The following MYO9A variants were observed in gnomAD, a reference collection of about 807,000 sequenced individuals.
The protein encoded by MYO9A is unconventional myosin-IXa.
A neutral mutation model predicts 293.3 loss-of-function variants in MYO9A; 103 were observed. The ratio of observed to expected loss-of-function variants is 0.35; its 90% confidence interval spans 0.30 to 0.41. The LOEUF is 0.41. Among genes scored for constraint, MYO9A ranks in the 10% least tolerant of loss-of-function variants. MYO9A has a pLI of 1.00. For synonymous variants in MYO9A, 1,001 were observed against 1,035.7 expected (o/e 0.97, Z 0.64); for missense variants, 2,685 against 3,033.0 (o/e 0.89, Z 2.69).
chr15:71,860,552 T>C (rs907822187), intron 33 of MYO9A, among the ~76,000 whole-genome samples: 1 of 151,970 alleles, frequency 6.6e-6, no homozygotes, highest in African/African-American at 2.4e-5. Flanking sequence ...TATCCTTTCT[T>C]GAGCTTGTAA....
intron 8 of MYO9A, among the ~76,000 whole-genome samples, chr15:72,001,871 G>T: frequency 6.6e-6 from 1 of 151,652 alleles, no homozygotes; most frequent in South Asian, 2.1e-4. Context: ...ATACATTAAA[G>T]AACAAAAATA....
chr15:71,860,991 A>G (rs1237993834), intron 33 of MYO9A, among the ~76,000 whole-genome samples: 2 of 150,970 alleles, frequency 1.3e-5, no homozygotes, highest in Non-Finnish European at 3.0e-5. Flanking sequence ...AAAAAAAAAA[A>G]AAATCAAACC....
intron 32 of MYO9A, among the ~76,000 whole-genome samples, chr15:71,867,075 A>AACAC (rs35264363): frequency 1.9e-3 from 286 of 148,096 alleles, no homozygotes; most frequent in African/African-American, 4.8e-3. Context: ...CAAAAAACAA[A>AACAC]ACACACACAC....
intron 28 of MYO9A, among the ~76,000 whole-genome samples, chr15:71,881,153 T>C (rs1164690044): frequency 6.6e-6 from 1 of 151,990 alleles, no homozygotes; most frequent in African/African-American, 2.4e-5. Flanking sequence ...AGGATTTTCT[T>C]AAACATCCCC....
In MYO9A at chr15:71,898,428, G is replaced by A. The variant is rs1418348910; in HGVS notation, c.4075C>T (p.Pro1359Ser). Residue 1359 changes from proline to serine, a missense_variant, in exon 25 of 42, where the codon CCT becomes TCT. By Grantham distance (74) the Pro-to-Ser change is moderately conservative. Coordinates refer to ENST00000356056, the MANE Select transcript of MYO9A (RefSeq NM_006901.4). ...AATTTTGGACTGCTGGATATCTTAG[G>A]TGATGGAAACTGCAAGTCTCCTTCA... ...SDEGDLQFPS[P>S]KISSSPKFDS... 10 of 1,613,670 alleles carry A rather than the reference G, an allele frequency of 6.2e-6. No individual in the cohort carries two copies. Among genetic ancestry groups the A allele is most frequent in the Admixed American group, 3.3e-5 (2 of 59,988 alleles).
intron 32 of MYO9A, among the ~76,000 whole-genome samples, chr15:71,865,995 C>T (rs1430587682): frequency 1.3e-5 from 2 of 152,252 alleles, no homozygotes; most frequent in East Asian, 3.9e-4. Context: ...TTTATTATTT[C>T]ACCTTCTTCA....
intron 18 of MYO9A, among the ~76,000 whole-genome samples, chr15:71,928,042 ATATATATATATATATTTTTTTTTTTTTT>A: frequency 1.1e-4 from 1 of 9,502 alleles, no homozygotes; most frequent in South Asian, 3.6e-3. Context: ...ATATATATAT[ATATATATATATATATTTTTTTTTTTTTT>A]TTTTTTTTTT....
intron 1 of MYO9A, among the ~76,000 whole-genome samples, chr15:72,051,551 C>G (rs934509390): frequency 6.6e-6 from 1 of 152,144 alleles, no homozygotes; most frequent in Non-Finnish European, 1.5e-5. Flanking sequence ...GAAGGCCCCC[C>G]GCCCAGTCCC....
intron 14 of MYO9A, among the ~76,000 whole-genome samples, chr15:71,954,278 G>C (rs2059128984): frequency 6.6e-6 from 1 of 152,084 alleles, no homozygotes; most frequent in Non-Finnish European, 1.5e-5. Flanking sequence ...TCCGCTCACT[G>C]TAACCTCCGC....
intron 1 of MYO9A, among the ~76,000 whole-genome samples, chr15:72,048,888 C>T (rs1206893145): frequency 6.6e-6 from 1 of 152,208 alleles, no homozygotes; most frequent in Non-Finnish European, 1.5e-5. Flanking sequence ...TTTTTCACTT[C>T]TAAAGTTTTT....
chr15:71,852,076 T>C (rs1215552890), intron 36 of MYO9A, 56 bp downstream of exon 36: 1 of 1,526,328 alleles, frequency 6.6e-7, no homozygotes, highest in East Asian at 2.3e-5. Context: ...ATACTCAAGA[T>C]GGCATTTCTT....
intron 39 of MYO9A, among the ~76,000 whole-genome samples, chr15:71,837,864 C>T (rs1471287259): frequency 1.3e-5 from 2 of 152,074 alleles, no homozygotes; most frequent in African/African-American, 4.8e-5. Context: ...ACAAAATTTG[C>T]AAATACACTA....
intron 11 of MYO9A, among the ~76,000 whole-genome samples, chr15:71,982,484 C>T (rs1444755651): frequency 2.0e-5 from 3 of 151,732 alleles, no homozygotes; most frequent in Admixed American, 6.6e-5. Context: ...TGTAAATATC[C>T]CACGCAAACT....
chr15:71,888,148 G>T, intron 26 of MYO9A, 32 bp from the exon 27 acceptor site: 1 of 1,236,710 alleles, frequency 8.1e-7, no homozygotes, highest in Non-Finnish European at 1.2e-6. Context: ...AAGATTTAAT[G>T]CCAAGTAAAT....
At position 72,085,115 on chromosome 15, in the gene MYO9A, C is replaced by T. The variant is rs114172283; in HGVS notation, c.-72+32565G>A. On this transcript the variant is annotated intron_variant, in intron 1 of 41. Coordinates refer to ENST00000356056, the MANE Select transcript of MYO9A (RefSeq NM_006901.4). ...TTCTGCTATTAATACCTGCAGCTGG[C>T]CGGGCGTGGTGGCTCACGCCTGTAG... is the stretch of plus-strand genomic sequence containing the variant. Among the ~76,000 whole-genome samples, 958 of 152,258 alleles carry T rather than the reference C, an allele frequency of 6.3e-3. 7 individuals are homozygous for T. The highest frequency in any genetic ancestry group is 0.021 in the African/African-American group (890 of 41,552).
At chr15:72,061,231 C>T (rs930067591) in intron 1 of MYO9A, among the ~76,000 whole-genome samples, 19 of 152,166 alleles carry the variant, frequency 1.2e-4, no homozygotes, top group African/African-American at 4.6e-4. Flanking sequence ...CAGTACCATG[C>T]TAACTTCAGA....
At chr15:72,106,835 G>A (rs999135116) in intron 1 of MYO9A, among the ~76,000 whole-genome samples, 17 of 152,010 alleles carry the variant, frequency 1.1e-4, no homozygotes, top group Admixed American at 8.5e-4. Flanking sequence ...ATATTAAACT[G>A]GTAACAATCA....
At chr15:72,029,102 A>G (rs749531771) in intron 3 of MYO9A, among the ~76,000 whole-genome samples, 2 of 152,234 alleles carry the variant, frequency 1.3e-5, no homozygotes, top group Non-Finnish European at 2.9e-5. Flanking sequence ...GTGAGTACAC[A>G]GCACAGAGTA....
chr15:71,857,890 G>T (rs1345192348), intron 34 of MYO9A, among the ~76,000 whole-genome samples: 1 of 152,234 alleles, frequency 6.6e-6, no homozygotes, highest in Admixed American at 6.5e-5. Context: ...AATCTACAAA[G>T]AACTCAAACA....
Sources: allele counts gnomAD v4.1 joint callset (sites outside exome capture counted in the v4.1 genomes callset), GRCh38; gene constraint gnomAD v4.1.1; transcripts MANE v1.5; gene names NCBI Gene and HGNC (gene_info 2026-07-23, HGNC 2026-07-21).